The following HLF variants were observed in gnomAD, a reference collection of about 807,000 sequenced individuals.
HLF encodes the protein HLF transcription factor, PAR bZIP family member, also known as hepatic leukemia factor.
HLF carries 3 observed loss-of-function variants against 22.6 expected under a neutral mutation model. The observed-to-expected ratio is 0.13, with a 90% CI of 0.06 to 0.34. The LOEUF (loss-of-function observed/expected upper bound fraction) is 0.34. Ranked by LOEUF, HLF falls within the 10% of genes least tolerant of loss-of-function variation. HLF has a pLI of 1.00. For synonymous variants in HLF, 151 were observed against 151.8 expected, an observed-to-expected ratio of 0.99 and a Z score of 0.04; for missense variants, 299 against 389.2, an observed-to-expected ratio of 0.77 and a Z score of 1.95.
In HLF at chr17:55,306,582, G is replaced by A. The variant is rs187638725; in HGVS notation, c.452-8645G>A. On this transcript the variant is annotated intron_variant, in intron 2 of 3. Transcript: ENST00000226067. ...TGTGTGTGTGTGTGTGTGTATGCAT[G>A]TGTATGTGTATGCATGATTTGTTTT... Among the ~76,000 whole-genome samples, 91 of 150,082 alleles carry A rather than the reference G, an allele frequency of 6.1e-4. 1 individual carries two copies. Among genetic ancestry groups the A allele is most frequent in the African/African-American group, 2.2e-3 (88 of 40,678 alleles).
intron 2 of HLF, among the ~76,000 whole-genome samples, chr17:55,278,215 G>T (rs899940091): frequency 6.6e-6 from 1 of 152,228 alleles, no homozygotes; most frequent in Admixed American, 6.5e-5. Flanking sequence ...AAAACAATGA[G>T]TGCATGCTAC....
At chr17:55,305,391 G>A (rs537517919) in intron 2 of HLF, among the ~76,000 whole-genome samples, 3 of 152,304 alleles carry the variant, frequency 2.0e-5, no homozygotes, top group Admixed American at 2.0e-4. Context: ...GCTGCCTGGA[G>A]CTTCCTTGGG....
In HLF at chr17:55,322,469, G is replaced by A; in HGVS notation, c.*1590G>A. 1 of 207,536 alleles carries A rather than the reference G, an allele frequency of 4.8e-6. No individual in the cohort carries two copies. Among genetic ancestry groups the A allele is most frequent in the African/African-American group, 2.3e-5 (1 of 43,868 alleles). 12.9% of individuals were successfully genotyped at this position (207,536 alleles called of 1,614,324 possible). ...ATATTCACCAATGTTGTACAGAGAA[G>A]AAGTGCTTGGGGGTTTTTGAAGTCT... On this transcript the variant is annotated 3_prime_UTR_variant, in exon 4 of 4. Transcript: ENST00000226067.
intron 3 of HLF, among the ~76,000 whole-genome samples, chr17:55,316,965 GTTTTTTTTT>G (rs35293604): frequency 9.3e-6 from 1 of 107,154 alleles, no homozygotes; most frequent in African/African-American, 3.6e-5. Flanking sequence ...TTTTTATGGT[GTTTTTTTTT>G]TTTTTTTTTT....
At chr17:55,317,839 G>A (rs115194403) in intron 3 of HLF, among the ~76,000 whole-genome samples, 2,623 of 152,254 alleles carry the variant, frequency 0.017, 77 homozygotes, top group African/African-American at 0.06. Context: ...GCATGCATGC[G>A]CTGGAGAAAG....
intron 2 of HLF, among the ~76,000 whole-genome samples, chr17:55,269,111 G>A (rs554459724): frequency 3.3e-5 from 5 of 152,274 alleles, no homozygotes; most frequent in African/African-American, 7.2e-5. Flanking sequence ...ACTGAACTCC[G>A]TGTCCTCGAC....
At position 55,323,912 on chromosome 17, in the gene HLF, G is replaced by C. The variant is rs1244523243; in HGVS notation, c.*3033G>C. ...TATCATACTGACATCATCTAGACATGATTTGGAAGGAACAGCTTAGGACCT... is the reference window on the plus strand; with the variant it reads ...TATCATACTGACATCATCTAGACATCATTTGGAAGGAACAGCTTAGGACCT... On this transcript the variant is annotated 3_prime_UTR_variant, in exon 4 of 4. Coordinates refer to ENST00000226067, the MANE Select transcript of HLF (RefSeq NM_002126.5). 1 of 228,928 alleles carries C rather than the reference G, an allele frequency of 4.4e-6. No homozygotes were observed. The highest frequency in any genetic ancestry group is 2.2e-5 in the African/African-American group (1 of 45,034). 14.2% of individuals were successfully genotyped at this position (228,928 alleles called of 1,614,324 possible).
At chr17:55,266,906 T>C in intron 1 of HLF, 1 of 559,630 alleles carries the variant, frequency 1.8e-6, no homozygotes, top group South Asian at 7.8e-5. Flanking sequence ...TAACTCACCT[T>C]TTCCAATAGC....
chr17:55,285,976 C>G (rs953353210), intron 2 of HLF, among the ~76,000 whole-genome samples: 1 of 152,172 alleles, frequency 6.6e-6, no homozygotes, highest in Non-Finnish European at 1.5e-5. Context: ...CTTCCTTCCT[C>G]GGGCCACCCT....
intron 2 of HLF, among the ~76,000 whole-genome samples, chr17:55,292,074 T>C (rs185468358): frequency 3.1e-4 from 47 of 152,326 alleles, no homozygotes. Flanking sequence ...TTTCCTGAGA[T>C]GGAATCTACT....
intron 3 of HLF, among the ~76,000 whole-genome samples, chr17:55,317,258 C>T (rs560751084): frequency 2.6e-5 from 4 of 152,246 alleles, no homozygotes; most frequent in South Asian, 4.1e-4. Context: ...TAAGCCACCG[C>T]GCCCGGCCTT....
At chr17:55,316,859 G>A (rs991334458) in intron 3 of HLF, among the ~76,000 whole-genome samples, 1 of 152,022 alleles carries the variant, frequency 6.6e-6, no homozygotes, top group Non-Finnish European at 1.5e-5. Flanking sequence ...ACTGAGATGG[G>A]GTAAAAAAGG....
At chr17:55,290,378 A>G (rs1383257212) in intron 2 of HLF, among the ~76,000 whole-genome samples, 1 of 152,156 alleles carries the variant, frequency 6.6e-6, no homozygotes, top group African/African-American at 2.4e-5. Flanking sequence ...TTCCAACAGT[A>G]TGTGTTCACT....
chr17:55,309,035 A>G (rs532108128), intron 2 of HLF, among the ~76,000 whole-genome samples: 18 of 152,282 alleles, frequency 1.2e-4, no homozygotes, highest in Admixed American at 3.3e-4. Context: ...AACTAACACT[A>G]TCATTTCTGC....
intron 1 of HLF, among the ~76,000 whole-genome samples, chr17:55,266,544 G>A (rs2080792544): frequency 6.6e-6 from 1 of 152,226 alleles, no homozygotes; most frequent in Non-Finnish European, 1.5e-5. Flanking sequence ...TTCTAGGAGA[G>A]GACAACCTGT....
chr17:55,275,606 A>C (rs2080898156), intron 2 of HLF, among the ~76,000 whole-genome samples: 3 of 152,224 alleles, frequency 2.0e-5, no homozygotes, highest in Admixed American at 2.0e-4. Flanking sequence ...AAGACTTTAC[A>C]TAAGCATTCC....
chr17:55,303,170 G>A (rs1009183921), intron 2 of HLF, among the ~76,000 whole-genome samples: 8 of 152,258 alleles, frequency 5.3e-5, no homozygotes, highest in Non-Finnish European at 7.3e-5. Context: ...GCATTGGACT[G>A]GAGGCTCCTC....
chr17:55,303,303 G>T (rs745518516), intron 2 of HLF, among the ~76,000 whole-genome samples: 4 of 152,200 alleles, frequency 2.6e-5, no homozygotes, highest in Non-Finnish European at 5.9e-5. Context: ...CTCTCAAGAA[G>T]GGATAACTGT....
At position 55,322,288 on chromosome 17, in the gene HLF, C is replaced by T. The variant is rs1390326367; in HGVS notation, c.*1409C>T. The T allele has an allele frequency of 5.1e-6, 1 of 194,276 alleles. No homozygotes were observed. The highest frequency in any genetic ancestry group is 1.1e-5 in the Non-Finnish European group (1 of 92,984). The allele number at this position is 194,276 out of a possible 1,614,324, so 12.0% of individuals were successfully genotyped here. A position where few individuals can be genotyped will look rare whatever the true frequency, so the allele number is the denominator to read the frequency against. On this transcript the variant is annotated 3_prime_UTR_variant, in exon 4 of 4. Coordinates refer to ENST00000226067, the MANE Select transcript of HLF (RefSeq NM_002126.5). The stretch of plus-strand genomic sequence containing the variant: ...AGACCAAAAGGAGAGATTATTAAAT[C>T]GTTTAATGTTTATACAGAGTAATTA...
Sources: allele counts gnomAD v4.1 joint callset (sites outside exome capture counted in the v4.1 genomes callset), GRCh38; gene constraint gnomAD v4.1.1; transcripts MANE v1.5; gene names NCBI Gene and HGNC (gene_info 2026-07-23, HGNC 2026-07-21).